Variants in GALNT11 observed in about 807,000 individuals in gnomAD.
The protein encoded by GALNT11 is polypeptide N-acetylgalactosaminyltransferase 11.
GALNT11 carries 47 observed loss-of-function variants against 72.7 expected under a neutral mutation model. The ratio of observed to expected loss-of-function variants is 0.65; its 90% CI spans 0.51 to 0.82. The LOEUF is 0.82. Ranked by LOEUF, GALNT11 falls within the 40% of genes least tolerant of loss-of-function variation. The probability of loss-of-function intolerance (pLI) is 0.00; values close to 1 mark genes in which losing one functional copy is unlikely to be tolerated. For missense variants in GALNT11, 677 were observed against 778.4 expected, an observed-to-expected ratio of 0.87 and a Z score of 1.55; for synonymous variants, 270 against 286.6, an observed-to-expected ratio of 0.94 and a Z score of 0.58.
chr7:152,112,282 T>C (rs191764540), intron 7 of GALNT11, among the ~76,000 whole-genome samples: 350 of 152,332 alleles, frequency 2.3e-3, no homozygotes, highest in African/African-American at 8.1e-3. Flanking sequence ...GGCTCACGCC[T>C]ATAATCCCAG....
intron 3 of GALNT11, among the ~76,000 whole-genome samples, chr7:152,101,545 G>A (rs2129048009): frequency 6.6e-6 from 1 of 151,914 alleles, no homozygotes; most frequent in South Asian, 2.1e-4. Flanking sequence ...AGGTGACAAG[G>A]CTGGAGGGAG....
At chr7:152,110,766 T>G (rs1196667515) in intron 7 of GALNT11, 121 bp downstream of exon 7, 21 of 775,916 alleles carry the variant, frequency 2.7e-5, no homozygotes, top group South Asian at 2.6e-4. Context: ...GGTCTTTCTC[T>G]GCTGCCCAGG....
intron 1 of GALNT11, 78 bp downstream of exon 1, chr7:152,025,962 T>C: frequency 6.3e-6 from 1 of 158,906 alleles, no homozygotes. Flanking sequence ...GCGCGGGGCC[T>C]GGGCAGGCTG....
chr7:152,052,227 T>C (rs1013369050), intron 1 of GALNT11, among the ~76,000 whole-genome samples: 1 of 152,198 alleles, frequency 6.6e-6, no homozygotes, highest in Non-Finnish European at 1.5e-5. Flanking sequence ...ATTGTGTGTA[T>C]ATATCACAGT....
intron 1 of GALNT11, among the ~76,000 whole-genome samples, chr7:152,085,187 T>C (rs986609960): frequency 2.0e-5 from 3 of 152,188 alleles, no homozygotes; most frequent in African/African-American, 7.2e-5. Context: ...CCTGTACTGT[T>C]GTACCTCCCT....
At chr7:152,031,439 C>T (rs2082300411) in intron 1 of GALNT11, among the ~76,000 whole-genome samples, 1 of 152,152 alleles carries the variant, frequency 6.6e-6, no homozygotes, top group African/African-American at 2.4e-5. Context: ...GGAGTAGTGC[C>T]TGGTATCTAA....
At chr7:152,055,307 G>A (rs1052977849) in intron 1 of GALNT11, among the ~76,000 whole-genome samples, 64 of 152,210 alleles carry the variant, frequency 4.2e-4, no homozygotes, top group African/African-American at 1.5e-3. Context: ...GGATGGAGTG[G>A]GAGGAAGCAA....
intron 9 of GALNT11, 94 bp downstream of exon 9, chr7:152,117,469 C>T: frequency 8.5e-7 from 1 of 1,177,812 alleles, no homozygotes; most frequent in Non-Finnish European, 1.2e-6. Context: ...ACACTGTGGA[C>T]TTAACAGAGT....
At chr7:152,061,476 T>C (rs1482882437) in intron 1 of GALNT11, among the ~76,000 whole-genome samples, 3 of 152,232 alleles carry the variant, frequency 2.0e-5, no homozygotes, top group Non-Finnish European at 2.9e-5. Flanking sequence ...CTCTTTAGTT[T>C]AATTAGATCC....
At chr7:152,061,543 C>G (rs2084017841) in intron 1 of GALNT11, among the ~76,000 whole-genome samples, 1 of 152,162 alleles carries the variant, frequency 6.6e-6, no homozygotes, top group Non-Finnish European at 1.5e-5. Flanking sequence ...ACATGAAGTC[C>G]TTGGCCATGC....
Position 152,094,803 on chromosome 7 carries a change from TTG to T in GALNT11, c.295+283_295+284del, listed in dbSNP as rs1327160699. 6.6e-6 allele frequency among the ~76,000 whole-genome samples: 1 copy of T among 152,022 alleles called. No individual in the cohort carries two copies. Among genetic ancestry groups the T allele is most frequent in the Admixed American group, 6.6e-5 (1 of 15,238 alleles). On this transcript the variant is annotated intron_variant, in intron 2 of 11. Coordinates refer to ENST00000430044, the MANE Select transcript of GALNT11 (RefSeq NM_022087.4). This position sits in a 1 kb window ranked among gnomAD's most constrained non-coding sequence, Gnocchi z 4.3. ...AAATGGAACCTATGGGAGAAGGGGT[TTG>T]TTTTTTGTTTGTTTTTTTAAGAGAT...
rs1413073720 is a variant in GALNT11 at position 152,094,698 on chromosome 7, T to C, written c.295+176T>C. On this transcript the variant is annotated intron_variant, in intron 2 of 11. Transcript: ENST00000430044. The surrounding 1 kb of genome is among the most constrained non-coding windows in gnomAD (Gnocchi z 4.3). ...GCAGACTCAGTGGGGAGTTATATTCTAATTTATCCAGTTCTGACTTCAGTA... is the reference window on the plus strand; with the variant it reads ...GCAGACTCAGTGGGGAGTTATATTCCAATTTATCCAGTTCTGACTTCAGTA... 1.3e-5 allele frequency among the ~76,000 whole-genome samples: 2 copies of C among 152,256 alleles called. No individual in the cohort carries two copies. Among genetic ancestry groups the C allele is most frequent in the African/African-American group, 4.8e-5 (2 of 41,466 alleles).
chr7:152,083,812 T>C (rs1322478922), intron 1 of GALNT11, among the ~76,000 whole-genome samples: 1 of 152,266 alleles, frequency 6.6e-6, no homozygotes, highest in Non-Finnish European at 1.5e-5. Context: ...TTGTGTCTTT[T>C]TATCCAAGAA....
At chr7:152,085,787 C>G (rs1004794255) in intron 1 of GALNT11, among the ~76,000 whole-genome samples, 6 of 152,070 alleles carry the variant, frequency 3.9e-5, no homozygotes, top group Non-Finnish European at 8.8e-5. Context: ...GATCTTGACT[C>G]ACTGCAACCT....
rs2088449969 is a variant in GALNT11, at chr7:152,113,364, T to C, written c.1199T>C (p.Leu400Ser). The change falls in exon 8 of 12, where the codon TTG (leucine) becomes TCG (serine). Residue 400 changes from leucine (L) to serine (S), a missense_variant. Physicochemically the swap from Leu to Ser is moderately radical, Grantham distance 145. Transcript: ENST00000430044. ...EGQDTMTHNS[L>S]RLAHVWLDEY... is the part of the protein sequence containing the mutation. ...CAGGACACCATGACACACAACTCTT[T>C]GCGGCTGGCACATGTCTGGTTGGAT... The C allele has an allele frequency of 6.2e-7, 1 of 1,613,960 alleles. No homozygotes were observed. The highest frequency in any genetic ancestry group is 8.5e-7 in the Non-Finnish European group (1 of 1,179,960).
intron 1 of GALNT11, among the ~76,000 whole-genome samples, chr7:152,036,109 C>G (rs1041667089): frequency 2.6e-5 from 4 of 152,184 alleles, no homozygotes; most frequent in African/African-American, 9.7e-5. Context: ...CCCAATGATA[C>G]TCTTTTAAAG....
In GALNT11 at chr7:152,121,607, G is replaced by T. The variant is rs1352716797; in HGVS notation, c.1757G>T (p.Gly586Val). The T allele has an allele frequency of 1.2e-6, 2 of 1,614,218 alleles. No individual in the cohort carries two copies. The highest frequency in any genetic ancestry group is 1.7e-6 in the Non-Finnish European group (2 of 1,180,040). The change falls in exon 12 of 12, where the codon GGT (glycine) becomes GTT (valine). Residue 586 changes from glycine (G) to valine (V), a missense_variant. Coordinates refer to ENST00000430044, the MANE Select transcript of GALNT11 (RefSeq NM_022087.4). ...TGCCTGAGAGCAGTGGATCCCCTGG[G>T]TCAGAAGGGCTCTGTCGCCATGGCG... is the stretch of plus-strand genomic sequence containing the variant. ...GQCLRAVDPL[G>V]QKGSVAMAIC...
chr7:152,088,547 C>T (rs1362524831), intron 1 of GALNT11, among the ~76,000 whole-genome samples: 5 of 148,726 alleles, frequency 3.4e-5, no homozygotes, highest in Non-Finnish European at 3.0e-5. Flanking sequence ...TCTGTAATCT[C>T]TCTGAGATTG....
intron 8 of GALNT11, 54 bp from the exon 9 acceptor site, chr7:152,117,100 TATC>T: frequency 1.4e-6 from 2 of 1,440,596 alleles, no homozygotes; most frequent in Non-Finnish European, 9.5e-7. Flanking sequence ...TATATAGTTG[TATC>T]ATCATTTTTA....
Sources: gnomAD v4.1 joint callset for allele counts (sites outside exome capture counted in the v4.1 genomes callset) on GRCh38, gnomAD v4.1.1 for gene constraint, Gnocchi (gnomAD v3.1) non-coding constraint, MANE v1.5 for transcripts, NCBI Gene and HGNC (gene_info 2026-07-23, HGNC 2026-07-21) for gene names.